The following FAR1 variants were observed in gnomAD, a reference collection of about 807,000 sequenced individuals.
FAR1 encodes the protein fatty acyl-CoA reductase 1.
A neutral mutation model predicts 61.1 loss-of-function variants in FAR1; 22 were observed. That is an observed-to-expected ratio of 0.36 (90% CI 0.26 to 0.51). The LOEUF (loss-of-function observed/expected upper bound fraction) is 0.51. Ranked by LOEUF, FAR1 falls within the 20% of genes least tolerant of loss-of-function variation. The pLI, the probability that FAR1 is intolerant of heterozygous loss-of-function variation, is 0.95. For missense variants in FAR1, 359 were observed against 626.9 expected (o/e 0.57, Z 4.56); for synonymous variants, 206 against 209.7 (o/e 0.98, Z 0.15).
chr11:13,700,006 G>C (rs1848352557), intron 2 of FAR1, among the ~76,000 whole-genome samples: 1 of 152,118 alleles, frequency 6.6e-6, no homozygotes, highest in Non-Finnish European at 1.5e-5. Flanking sequence ...ATTCTGAGGG[G>C]TGATACAATC....
rs189631089 is a variant in FAR1 at position 13,688,731 on chromosome 11, T to G, written c.-7-6028T>G. 2.9e-3 allele frequency among the ~76,000 whole-genome samples: 443 copies of G among 152,340 alleles called. 4 individuals are homozygous for G. The highest frequency in any genetic ancestry group is 0.01 in the African/African-American group (422 of 41,580). On this transcript the variant is annotated intron_variant, in intron 1 of 11. Coordinates refer to ENST00000354817, the MANE Select transcript of FAR1 (RefSeq NM_032228.6). Reference sequence around the variant, plus strand: ...TATACTATTTAATATATATTGAGTATGTAATTGTCATTAATACCTACTTGT... The same window carrying G: ...TATACTATTTAATATATATTGAGTAGGTAATTGTCATTAATACCTACTTGT...
Position 13,707,881 on chromosome 11 carries a change from A to G in FAR1, c.366-19A>G, listed in dbSNP as rs1848451084. 2 of 1,468,454 alleles carry G rather than the reference A, an allele frequency of 1.4e-6. No individual in the cohort carries two copies. Among genetic ancestry groups the G allele is most frequent in the Non-Finnish European group, 1.8e-6 (2 of 1,102,978 alleles). The allele number at this position is 1,468,454 out of a possible 1,614,324, so 91.0% of individuals were successfully genotyped here. ...CATAGCTTCCCAATTTTCTATTGTC[A>G]CTTTTTCTTTTTAAACAGAGATGCT... On this transcript the variant is annotated intron_variant, in intron 3 of 11. Transcript: ENST00000354817.
At chr11:13,673,240 C>T (rs930155520) in intron 1 of FAR1, among the ~76,000 whole-genome samples, 3 of 152,116 alleles carry the variant, frequency 2.0e-5, no homozygotes, top group Non-Finnish European at 2.9e-5. Context: ...GAAAGAGTTG[C>T]GTAAATTCAT....
At chr11:13,699,251 A>G (rs1848343020) in intron 2 of FAR1, among the ~76,000 whole-genome samples, 1 of 152,106 alleles carries the variant, frequency 6.6e-6, no homozygotes, top group Non-Finnish European at 1.5e-5. Flanking sequence ...CTATATTTTA[A>G]TTGTACATTT....
intron 3 of FAR1, among the ~76,000 whole-genome samples, chr11:13,701,299 AATG>A (rs1848371065): frequency 6.6e-6 from 1 of 152,260 alleles, no homozygotes. Context: ...CTAACAAAGA[AATG>A]ATAAGTGTTT....
chr11:13,711,845 A>G (rs778327698), intron 6 of FAR1, 37 bp downstream of exon 6: 7 of 1,565,732 alleles, frequency 4.5e-6, no homozygotes, highest in Non-Finnish European at 6.1e-6. Context: ...TATTCTATAC[A>G]TTTTTCTGCT....
intron 1 of FAR1, among the ~76,000 whole-genome samples, chr11:13,683,299 A>T (rs1848149138): frequency 6.6e-6 from 1 of 151,968 alleles, no homozygotes; most frequent in Non-Finnish European, 1.5e-5. Context: ...TGGTTGAGGT[A>T]GGAGAATTGC....
At chr11:13,714,111 G>T (rs1286427904) in intron 8 of FAR1, among the ~76,000 whole-genome samples, 2 of 152,074 alleles carry the variant, frequency 1.3e-5, no homozygotes, top group African/African-American at 4.8e-5. Flanking sequence ...AGCATCTTAA[G>T]CAAAGGATGA....
At chr11:13,697,427 A>G (rs943338214) in intron 2 of FAR1, among the ~76,000 whole-genome samples, 3 of 152,092 alleles carry the variant, frequency 2.0e-5, no homozygotes, top group Non-Finnish European at 4.4e-5. Flanking sequence ...GCGCCACTGC[A>G]CTCCAGCATG....
chr11:13,714,189 A>C (rs1848531262), intron 8 of FAR1, among the ~76,000 whole-genome samples: 1 of 152,138 alleles, frequency 6.6e-6, no homozygotes, highest in Admixed American at 6.6e-5. Flanking sequence ...GAAAGGAAGA[A>C]GCTATCGTGA....
chr11:13,692,657 A>T (rs1170477788), intron 1 of FAR1, among the ~76,000 whole-genome samples: 1 of 152,180 alleles, frequency 6.6e-6, no homozygotes, highest in Admixed American at 6.5e-5. Context: ...CTCCATATAA[A>T]CCTTGTAATC....
intron 1 of FAR1, among the ~76,000 whole-genome samples, chr11:13,690,287 T>C (rs1848235363): frequency 6.6e-6 from 1 of 152,210 alleles, no homozygotes; most frequent in Non-Finnish European, 1.5e-5. Context: ...CATATTTATG[T>C]ATTCTAGATA....
chr11:13,688,242 G>GT (rs948590623), intron 1 of FAR1, among the ~76,000 whole-genome samples: 5 of 111,720 alleles, frequency 4.5e-5, no homozygotes, highest in Non-Finnish European at 1.0e-4. Flanking sequence ...TGTGGGAATT[G>GT]TTTTTTTTTC....
At chr11:13,689,179 G>T (rs952296784) in intron 1 of FAR1, among the ~76,000 whole-genome samples, 5 of 152,048 alleles carry the variant, frequency 3.3e-5, no homozygotes, top group African/African-American at 9.7e-5. Flanking sequence ...ATGTTTTATC[G>T]AAATATAATA....
At chr11:13,716,187 C>T (rs568093073) in intron 9 of FAR1, among the ~76,000 whole-genome samples, 9 of 151,180 alleles carry the variant, frequency 6.0e-5, no homozygotes, top group African/African-American at 2.2e-4. Flanking sequence ...TAATTTAGGA[C>T]AGAAAAGTAA....
chr11:13,685,091 G>C (rs983164389), intron 1 of FAR1, among the ~76,000 whole-genome samples: 43 of 152,012 alleles, frequency 2.8e-4, no homozygotes, highest in African/African-American at 8.2e-4. Context: ...TGATATGTGC[G>C]TCTTACCTGA....
At chr11:13,716,937 C>T (rs559636683) in intron 9 of FAR1, among the ~76,000 whole-genome samples, 1 of 115,870 alleles carries the variant, frequency 8.6e-6, no homozygotes, top group African/African-American at 3.3e-5. Context: ...GGTATCCCTC[C>T]CCCCTCCCCC....
intron 10 of FAR1, 143 bp from the exon 11 acceptor site, chr11:13,727,413 G>T: frequency 1.7e-6 from 1 of 581,006 alleles, no homozygotes. Flanking sequence ...GTGACTAGCG[G>T]TAAGATTTCA....
At chr11:13,727,189 G>A (rs1448268931) in intron 10 of FAR1, among the ~76,000 whole-genome samples, 1 of 151,964 alleles carries the variant, frequency 6.6e-6, no homozygotes, top group African/African-American at 2.4e-5. Context: ...AACTGGAAAT[G>A]TATCAGTACG....
Sources: gnomAD v4.1 joint callset for allele counts (sites outside exome capture counted in the v4.1 genomes callset) on GRCh38, gnomAD v4.1.1 for gene constraint, MANE v1.5 for transcripts, NCBI Gene and HGNC (gene_info 2026-07-23, HGNC 2026-07-21) for gene names.